The following PELI2 variants were observed in gnomAD, a reference collection of about 807,000 sequenced individuals.
The protein encoded by PELI2 is E3 ubiquitin-protein ligase pellino homolog 2.
In PELI2, 23 loss-of-function variants were observed where a neutral mutation model predicts 42.3. The ratio of observed to expected loss-of-function variants is 0.54; its 90% CI spans 0.39 to 0.77. The LOEUF is 0.77. Among genes scored for constraint, PELI2 ranks in the 30% least tolerant of loss-of-function variants. The pLI is 0.00. For synonymous variants in PELI2, 245 were observed against 212.2 expected (o/e 1.15, Z -1.34); for missense variants, 463 against 553.2 (o/e 0.84, Z 1.64).
At chr14:56,266,640 A>G (rs1408237338) in intron 2 of PELI2, among the ~76,000 whole-genome samples, 17 of 152,070 alleles carry the variant, frequency 1.1e-4, no homozygotes, top group Non-Finnish European at 2.9e-5. Flanking sequence ...TCTGGTGAGA[A>G]TGCAAATTGG....
chr14:56,273,364 G>A lies in PELI2; in HGVS notation c.208-6312G>A, dbSNP rs1889171161. On this transcript the variant is annotated intron_variant, in intron 2 of 5. Coordinates refer to ENST00000267460, the MANE Select transcript of PELI2 (RefSeq NM_021255.3). The surrounding 1 kb of genome is among the most constrained non-coding windows in gnomAD (Gnocchi z 4.3). ...TGACCTAGTATCAGAAGTCCCATGT[G>A]TCACATCCACGGCATTCTCTTGGTC... Among the ~76,000 whole-genome samples the A allele has an allele frequency of 6.6e-6, 1 of 152,206 alleles. No individual in the cohort carries two copies. Among genetic ancestry groups the A allele is most frequent in the South Asian group, 2.1e-4 (1 of 4,826 alleles).
chr14:56,150,070 G>A (rs958814722), intron 1 of PELI2, among the ~76,000 whole-genome samples: 2 of 152,156 alleles, frequency 1.3e-5, no homozygotes, highest in African/African-American at 2.4e-5. Context: ...CTTTAGTTAT[G>A]CTTGCTACCT....
In PELI2 at chr14:56,192,421, A is replaced by G. The variant is rs565267149; in HGVS notation, c.207+13957A>G. Among the ~76,000 whole-genome samples the G allele has an allele frequency of 3.6e-3, 546 of 152,298 alleles. 1 individual carries two copies. The highest frequency in any genetic ancestry group is 0.012 in the African/African-American group (507 of 41,558). On this transcript the variant is annotated intron_variant, in intron 2 of 5. Coordinates refer to ENST00000267460, the MANE Select transcript of PELI2 (RefSeq NM_021255.3). Reference sequence around the variant, plus strand: ...CAGCACCATTGGCAGTTTGGGCCAGATAATCTTTGTTGTGGGGCCCGTGCT... The same window carrying G: ...CAGCACCATTGGCAGTTTGGGCCAGGTAATCTTTGTTGTGGGGCCCGTGCT...
chr14:56,230,417 C>T (rs998767475), intron 2 of PELI2, among the ~76,000 whole-genome samples: 18 of 152,314 alleles, frequency 1.2e-4, no homozygotes, highest in African/African-American at 4.3e-4. Context: ...AGAAACCCTA[C>T]AAGCCAGAAG....
At chr14:56,137,884 G>C (rs1883741650) in intron 1 of PELI2, among the ~76,000 whole-genome samples, 1 of 152,182 alleles carries the variant, frequency 6.6e-6, no homozygotes, top group Non-Finnish European at 1.5e-5. Flanking sequence ...TTCAGTTTGA[G>C]GTTGGGATGA....
intron 2 of PELI2, among the ~76,000 whole-genome samples, chr14:56,259,608 C>T (rs1888645599): frequency 6.6e-6 from 1 of 152,124 alleles, no homozygotes; most frequent in African/African-American, 2.4e-5. Flanking sequence ...TATAAAATCT[C>T]TCAGGAAACT....
intron 1 of PELI2, among the ~76,000 whole-genome samples, chr14:56,171,485 A>T (rs1885166546): frequency 6.6e-6 from 1 of 152,188 alleles, no homozygotes; most frequent in African/African-American, 2.4e-5. Context: ...GTATTCTGTT[A>T]TAGCAGCACA....
intron 2 of PELI2, among the ~76,000 whole-genome samples, chr14:56,215,871 T>C (rs1467714208): frequency 1.3e-5 from 2 of 152,250 alleles, no homozygotes; most frequent in African/African-American, 2.4e-5. Flanking sequence ...TGCAAAGTAA[T>C]GACACTACAG....
chr14:56,272,832 C>T (rs1889150177), intron 2 of PELI2, among the ~76,000 whole-genome samples: 2 of 152,136 alleles, frequency 1.3e-5, no homozygotes, highest in Admixed American at 6.5e-5. Context: ...TGTGTAGAGA[C>T]ACTGCTGCCT....
chr14:56,215,636 T>G (rs1886883861), intron 2 of PELI2, among the ~76,000 whole-genome samples: 1 of 152,226 alleles, frequency 6.6e-6, no homozygotes, highest in African/African-American at 2.4e-5. Flanking sequence ...AACTCTACAT[T>G]TTGGTAGCAA....
At chr14:56,119,076 G>A (rs1566590377) in intron 1 of PELI2, 1 of 156,572 alleles carries the variant, frequency 6.4e-6, no homozygotes, top group Non-Finnish European at 1.4e-5. Context: ...CCCGCGCGCC[G>A]CGTCCGGGCC....
At chr14:56,243,532 T>A (rs981116124) in intron 2 of PELI2, among the ~76,000 whole-genome samples, 1 of 152,224 alleles carries the variant, frequency 6.6e-6, no homozygotes, top group Non-Finnish European at 1.5e-5. Flanking sequence ...CTTCTAAGGT[T>A]GTTGTGAAGA....
At chr14:56,122,091 C>T (rs1659006257) in intron 1 of PELI2, among the ~76,000 whole-genome samples, 1 of 151,974 alleles carries the variant, frequency 6.6e-6, no homozygotes, top group South Asian at 2.1e-4. Flanking sequence ...CTGAAATAAC[C>T]AGCATAAAGA....
chr14:56,233,221 A>G (rs542843288), intron 2 of PELI2, among the ~76,000 whole-genome samples: 1 of 152,342 alleles, frequency 6.6e-6, no homozygotes, highest in Admixed American at 6.5e-5. Context: ...TCAAGCTAGC[A>G]GTGACTTTCT....
intron 3 of PELI2, among the ~76,000 whole-genome samples, chr14:56,281,162 C>A (rs1186708482): frequency 6.6e-6 from 1 of 152,060 alleles, no homozygotes; most frequent in East Asian, 1.9e-4. Flanking sequence ...ATTCTAACTT[C>A]AGTCATTTTT....
chr14:56,189,135 G>A (rs1885871981), intron 2 of PELI2, among the ~76,000 whole-genome samples: 1 of 152,086 alleles, frequency 6.6e-6, no homozygotes, highest in African/African-American at 2.4e-5. Context: ...CTCCAGCCTG[G>A]GTGACAGAAC....
At chr14:56,188,915 T>C (rs2139684296) in intron 2 of PELI2, among the ~76,000 whole-genome samples, 1 of 152,300 alleles carries the variant, frequency 6.6e-6, no homozygotes, top group Non-Finnish European at 1.5e-5. Flanking sequence ...ATCCCAGCAC[T>C]TTAGAAGGCT....
chr14:56,192,293 A>T (rs868793559), intron 2 of PELI2, among the ~76,000 whole-genome samples: 7 of 152,132 alleles, frequency 4.6e-5, no homozygotes, highest in Non-Finnish European at 1.0e-4. Context: ...TTCCCTGTTC[A>T]TCATTTTCTA....
intron 1 of PELI2, among the ~76,000 whole-genome samples, chr14:56,148,064 CA>C (rs1280736444): frequency 2.0e-5 from 3 of 152,120 alleles, no homozygotes; most frequent in African/African-American, 7.2e-5. Context: ...CTGGTAAATC[CA>C]CTTCCTTGCA....
Sources: gnomAD v4.1 joint callset for allele counts (sites outside exome capture counted in the v4.1 genomes callset) on GRCh38, gnomAD v4.1.1 for gene constraint, Gnocchi (gnomAD v3.1) non-coding constraint, MANE v1.5 for transcripts, NCBI Gene and HGNC (gene_info 2026-07-23, HGNC 2026-07-21) for gene names.